Variants in WBP11 observed in about 807,000 individuals in gnomAD.
WBP11 encodes the protein WW domain binding protein 11.
A neutral mutation model predicts 66.7 loss-of-function variants in WBP11; 12 were observed. The ratio of observed to expected loss-of-function variants is 0.18; its 90% CI spans 0.12 to 0.29. The LOEUF is 0.29. WBP11 is among the 10% of genes least tolerant of loss of function. The pLI, the probability that WBP11 is intolerant of heterozygous loss-of-function variation, is 1.00. For missense variants in WBP11, 555 were observed against 818.3 expected, an observed-to-expected ratio of 0.68 and a Z score of 3.93; for synonymous variants, 255 against 273.8, an observed-to-expected ratio of 0.93 and a Z score of 0.68.
chr12:14,801,437 G>A lies in WBP11; in HGVS notation c.-45-9C>T, dbSNP rs1269239504. The A allele has an allele frequency of 6.4e-7, 1 of 1,555,556 alleles. No individual in the cohort carries two copies. The highest frequency in any genetic ancestry group is 1.4e-5 in the African/African-American group (1 of 73,238). On this transcript the variant is annotated splice_polypyrimidine_tract_variant and intron_variant, in intron 1 of 11. Transcript: ENST00000261167. ...ATTAAAAAAAGAAAAACCTGTGAAG[G>A]TGAAGACAAAGAAATAGCTTATATC...
Position 14,799,742 on chromosome 12 carries a change from A to C in WBP11, c.97-14T>G. The C allele has an allele frequency of 6.2e-7, 1 of 1,610,264 alleles. No individual in the cohort carries two copies. Among genetic ancestry groups the C allele is most frequent in the Non-Finnish European group, 8.5e-7 (1 of 1,178,196 alleles). ...CTGTTTTTTGTTCTTAGAAAAATAA[A>C]AGGGCAGATGTCAAGAAGTCAGGCA... On this transcript the variant is annotated splice_polypyrimidine_tract_variant and intron_variant, in intron 3 of 11. Coordinates refer to ENST00000261167, the MANE Select transcript of WBP11 (RefSeq NM_016312.3).
Position 14,787,536 on chromosome 12 carries a change from A to G in WBP11, c.1493-38T>C, listed in dbSNP as rs772047953. On this transcript the variant is annotated intron_variant, in intron 11 of 11. Transcript: ENST00000261167. ...AATAGGCAAGATGAATACTGTAAGA[A>G]CTAATAAAATTTAACTACTATTAAG... is the stretch of plus-strand genomic sequence containing the variant. 24 of 1,428,974 alleles carry G rather than the reference A, an allele frequency of 1.7e-5. No individual in the cohort carries two copies. In the South Asian group the frequency reaches 4.2e-4, roughly 25 times the overall value. The allele number at this position is 1,428,974 out of a possible 1,614,324, so 88.5% of individuals were successfully genotyped here.
At chr12:14,801,758 C>T (rs1462120492) in intron 1 of WBP11, 8 of 177,546 alleles carry the variant, frequency 4.5e-5, no homozygotes, top group Admixed American at 4.5e-4. Context: ...CGATATGGCA[C>T]AAACCATGAA....
chr12:14,796,978 T>C lies in WBP11; in HGVS notation c.216A>G (p.Gln72=), dbSNP rs1259753975. The C allele has an allele frequency of 4.4e-6, 7 of 1,603,894 alleles. No homozygotes were observed. The highest frequency in any genetic ancestry group is 5.9e-6 in the Non-Finnish European group (7 of 1,177,180). Reference sequence around the variant, plus strand: ...TGTCTTTCAGTACTTTCTCATTTAATTGTGGCTGTTGCACTGGGTTAAACT... The same window carrying C: ...TGTCTTTCAGTACTTTCTCATTTAACTGTGGCTGTTGCACTGGGTTAAACT... ...EMEFNPVQQP[Q]LNEKVLKDKR... is the part of the protein sequence containing the mutation. The change falls in exon 5 of 12, where the codon CAA becomes CAG. Residue 72 remains glutamine (Q), a synonymous_variant. Coordinates refer to ENST00000261167, the MANE Select transcript of WBP11 (RefSeq NM_016312.3). The surrounding 1 kb of genome is among the most constrained non-coding windows in gnomAD (Gnocchi z 4.5).
Position 14,796,660 on chromosome 12 carries a change from T to C in WBP11, c.387+147A>G. 2 of 678,460 alleles carry C rather than the reference T, an allele frequency of 2.9e-6. No individual in the cohort carries two copies. Among genetic ancestry groups the C allele is most frequent in the Non-Finnish European group, 4.5e-6 (2 of 445,434 alleles). 42.0% of individuals were successfully genotyped at this position (678,460 alleles called of 1,614,324 possible). ...ACTAGGGTTCCATCCCCAAAATATA[T>C]GCAAATATACACAAAAACAAAACAA... is the stretch of plus-strand genomic sequence containing the variant. On this transcript the variant is annotated intron_variant, in intron 5 of 11. Transcript: ENST00000261167. This position sits in a 1 kb window ranked among gnomAD's most constrained non-coding sequence, Gnocchi z 4.5.
At chr12:14,802,951 G>A (rs1040545828) in intron 1 of WBP11, among the ~76,000 whole-genome samples, 1 of 152,154 alleles carries the variant, frequency 6.6e-6, no homozygotes, top group African/African-American at 2.4e-5. Context: ...ACAAGCGGAG[G>A]CGACTGGAAA....
Position 14,787,175 on chromosome 12 carries a change from C to G in WBP11, c.1816G>C (p.Val606Leu), listed in dbSNP as rs1170743493. The G allele has an allele frequency of 2.5e-6, 4 of 1,613,764 alleles. No individual in the cohort carries two copies. The Admixed American group carries it at 5.0e-5, about 20-fold the overall frequency. ...TTGGGTGCTGCTTTGGCAAGAGGCACAGCAGAATCATCCTCTGACTTTCTT... is the reference window on the plus strand; with the variant it reads ...TTGGGTGCTGCTTTGGCAAGAGGCAGAGCAGAATCATCCTCTGACTTTCTT... ...PQRKSEDDSA[V>L]PLAKAAPKSG... Residue 606 changes from valine to leucine, a missense_variant, in exon 12 of 12, where the codon GTG becomes CTG. By Grantham distance (32) the Val-to-Leu change is conservative. Transcript: ENST00000261167.
At chr12:14,802,969 C>T (rs1246856388) in intron 1 of WBP11, among the ~76,000 whole-genome samples, 1 of 152,156 alleles carries the variant, frequency 6.6e-6, no homozygotes, top group East Asian at 1.9e-4. Context: ...AAAATCAAGC[C>T]AAATAAGCGT....
intron 10 of WBP11, 31 bp downstream of exon 10, chr12:14,790,421 CATTT>C: frequency 6.2e-7 from 1 of 1,601,100 alleles, no homozygotes; most frequent in Non-Finnish European, 8.5e-7. Context: ...ATTCTAACCT[CATTT>C]AAACTTTATT....
At chr12:14,787,552 T>C (rs1949767671) in intron 11 of WBP11, 54 bp from the exon 12 acceptor site, 2 of 1,405,312 alleles carry the variant, frequency 1.4e-6, no homozygotes, top group Non-Finnish European at 1.9e-6. Flanking sequence ...AAAATTTAAC[T>C]ACTATTAAGG....
Position 14,794,617 on chromosome 12 carries a change from A to G in WBP11, c.641T>C (p.Met214Thr). Residue 214 changes from methionine to threonine, a missense_variant, in exon 7 of 12, where the codon ATG becomes ACG. Physicochemically the swap from Met to Thr is moderately conservative, Grantham distance 81. Coordinates refer to ENST00000261167, the MANE Select transcript of WBP11 (RefSeq NM_016312.3). ...GGCAAAACCCACTTTACGGCCATAC[A>G]TCTGCACGACTTGAGGAGGAGGTGG... ...PGPPPPQVVQMYGRKVGFALD... is the reference protein window; with the variant it reads ...PGPPPPQVVQTYGRKVGFALD... The G allele has an allele frequency of 1.2e-6, 2 of 1,614,102 alleles. No individual in the cohort carries two copies. Among genetic ancestry groups the G allele is most frequent in the Non-Finnish European group, 1.7e-6 (2 of 1,180,010 alleles).
Position 14,790,654 on chromosome 12 carries a change from G to T in WBP11, c.1111C>A (p.Gln371Lys). The T allele has an allele frequency of 6.2e-7, 1 of 1,614,170 alleles. No homozygotes were observed. Among genetic ancestry groups the T allele is most frequent in the Non-Finnish European group, 8.5e-7 (1 of 1,180,018 alleles). The change falls in exon 10 of 12, where the codon CAA (glutamine) becomes AAA (lysine). Residue 371 changes from glutamine (Q) to lysine (K), a missense_variant. Physicochemically the swap from Gln to Lys is moderately conservative, Grantham distance 53. This residue lies in a region of WBP11 where 230 missense variants were observed against 286.3 expected (regional missense o/e 0.80). Transcript: ENST00000261167. The stretch of plus-strand genomic sequence containing the variant: ...TGGGATTCCTCTTTATGCTGCTTTT[G>T]TGATTGCTTTTCTGCTTCAGAGTCA... ...SDDSEAEKQS[Q>K]KQHKEESHSD...
chr12:14,795,930 A>G (rs1157278625), intron 5 of WBP11, among the ~76,000 whole-genome samples: 1 of 148,730 alleles, frequency 6.7e-6, no homozygotes, highest in South Asian at 2.2e-4. Context: ...AAATTATAGC[A>G]TTTGATTTTT....
At position 14,785,421 on chromosome 12, in the gene WBP11, G is replaced by GT. The variant is rs1268622129; in HGVS notation, c.*1643dup. The stretch of plus-strand genomic sequence containing the variant: ...CCATATGGTTTGATCCTTGATATCC[G>GT]TAAGTTATCAAGGATGGTGTCAAGG... On this transcript the variant is annotated 3_prime_UTR_variant, in exon 12 of 12. Transcript: ENST00000261167. 4 of 152,084 alleles carry GT rather than the reference G, an allele frequency of 2.6e-5. No individual in the cohort carries two copies. The East Asian group carries it at 5.8e-4, about 22-fold the overall frequency. The allele number at this position is 152,084 out of a possible 1,614,324, so 9.4% of individuals were successfully genotyped here. A position where few individuals can be genotyped will look rare whatever the true frequency, so the allele number is the denominator to read the frequency against.
At chr12:14,800,868 A>T in intron 2 of WBP11, 85 bp from the exon 3 acceptor site, 5 of 1,261,262 alleles carry the variant, frequency 4.0e-6, no homozygotes, top group Non-Finnish European at 4.5e-6. Context: ...GTAATTCTTT[A>T]TTGTGGAAAG....
Position 14,799,618 on chromosome 12 carries a change from T to G in WBP11, c.190+17A>C, listed in dbSNP as rs199781917. The G allele has an allele frequency of 9.3e-5, 149 of 1,610,710 alleles. No individual in the cohort carries two copies. The East Asian group carries it at 3.3e-3, about 35-fold the overall frequency. On this transcript the variant is annotated intron_variant, in intron 4 of 11. Transcript: ENST00000261167. The stretch of plus-strand genomic sequence containing the variant: ...TACGTGTCAGACTGTTATAGCTGCC[T>G]GTTTGTAAATTCTTACCCATTTCAT...
intron 6 of WBP11, 106 bp downstream of exon 6, chr12:14,794,865 G>A: frequency 1.9e-6 from 3 of 1,588,148 alleles, no homozygotes; most frequent in African/African-American, 2.7e-5. Context: ...ATGTCACACT[G>A]TTTACATCCA....
chr12:14,797,874 G>T (rs1301325809), intron 4 of WBP11, among the ~76,000 whole-genome samples: 2 of 152,164 alleles, frequency 1.3e-5, no homozygotes, highest in Admixed American at 6.5e-5. Context: ...GTAGTAAGCT[G>T]AATGAGGCTA....
intron 8 of WBP11, among the ~76,000 whole-genome samples, chr12:14,792,215 G>T (rs939300347): frequency 2.0e-5 from 3 of 151,128 alleles, no homozygotes; most frequent in African/African-American, 7.3e-5. Flanking sequence ...ATTCACTAAA[G>T]AACTTAAAAA....
Sources: gnomAD v4.1 joint callset for allele counts (sites outside exome capture counted in the v4.1 genomes callset) on GRCh38, gnomAD v4.1.1 for gene constraint, gnomAD v4.1.1 regional missense constraint, Gnocchi (gnomAD v3.1) non-coding constraint, MANE v1.5 for transcripts, NCBI Gene and HGNC (gene_info 2026-07-23, HGNC 2026-07-21) for gene names.